The following DR1 variants were observed in gnomAD, a reference collection of about 807,000 sequenced individuals.
The protein encoded by DR1 is protein Dr1.
Under a neutral mutation model 19.9 loss-of-function variants are expected in DR1, and 7 were observed. The ratio of observed to expected loss-of-function variants is 0.35; its 90% CI spans 0.20 to 0.66. DR1 has a LOEUF of 0.66. DR1 is among the 30% of genes least tolerant of loss of function. The pLI is 0.66. For missense variants in DR1, 98 were observed against 203.7 expected (o/e 0.48, Z 3.16); for synonymous variants, 76 against 72.5 (o/e 1.05, Z -0.24).
Position 93,367,276 on chromosome 1 carries a change from C to CA in DR1, c.*6637_*6638insA, listed in dbSNP as rs1179053721. On this transcript the variant is annotated 3_prime_UTR_variant, in exon 3 of 3. Coordinates refer to ENST00000370272, the MANE Select transcript of DR1 (RefSeq NM_001938.3). ...GGGAAGTGAAAATTTTAAGGAGCAC[C>CA]TCCTACCACCATGCAGTTCAAAAAC... 4 of 152,066 alleles carry CA rather than the reference C, an allele frequency of 2.6e-5. No homozygotes were observed. The highest frequency in any genetic ancestry group is 5.9e-5 in the Non-Finnish European group (4 of 68,028). The allele number at this position is 152,066 out of a possible 1,614,324, so 9.4% of individuals were successfully genotyped here.
chr1:93,355,593 G>C (rs1666970852), intron 2 of DR1: 1 of 152,198 alleles, frequency 6.6e-6, no homozygotes, highest in African/African-American at 2.4e-5. Context: ...AATAGAATAT[G>C]TATTATCCTT....
rs1286050945 is a variant in DR1, at chr1:93,367,264, T to A, written c.*6625T>A. The A allele has an allele frequency of 6.6e-6, 1 of 152,006 alleles. No individual in the cohort carries two copies. The highest frequency in any genetic ancestry group is 1.5e-5 in the Non-Finnish European group (1 of 68,004). 9.4% of individuals were successfully genotyped at this position (152,006 alleles called of 1,614,324 possible). On this transcript the variant is annotated 3_prime_UTR_variant, in exon 3 of 3. Transcript: ENST00000370272. ...GGAATAACTGTTGGGAAGTGAAAAT[T>A]TTAAGGAGCACCTCCTACCACCATG...
rs994952628 is a variant in DR1, at chr1:93,365,727, G to GA, written c.*5091dup. On this transcript the variant is annotated 3_prime_UTR_variant, in exon 3 of 3. Coordinates refer to ENST00000370272, the MANE Select transcript of DR1 (RefSeq NM_001938.3). The stretch of plus-strand genomic sequence containing the variant: ...GCCCAGGATTAAAATATGTTTCCAA[G>GA]AAAGTCAAATCTTACAGGAGACTCT... 6.6e-6 allele frequency: 1 copy of GA among 152,158 alleles called. No homozygotes were observed. Among genetic ancestry groups the GA allele is most frequent in the African/African-American group, 2.4e-5 (1 of 41,436 alleles). The allele number at this position is 152,158 out of a possible 1,614,324, so 9.4% of individuals were successfully genotyped here.
intron 1 of DR1, 49 bp from the exon 2 acceptor site, chr1:93,353,859 A>G (rs746148247): frequency 2.0e-6 from 3 of 1,492,466 alleles, no homozygotes; most frequent in Non-Finnish European, 2.7e-6. Context: ...GGTTGGGGGA[A>G]AGCTGTGTTT....
Position 93,360,729 on chromosome 1 carries a change from T to G in DR1, c.*90T>G, listed in dbSNP as rs1214747778. ...AGAAATGCTTATCTGTAATTTTGTA[T>G]GCATCTTGGTGGACTTGTCATTGGT... On this transcript the variant is annotated 3_prime_UTR_variant, in exon 3 of 3. Coordinates refer to ENST00000370272, the MANE Select transcript of DR1 (RefSeq NM_001938.3). 1 of 1,407,928 alleles carries G rather than the reference T, an allele frequency of 7.1e-7. No individual in the cohort carries two copies. Among genetic ancestry groups the G allele is most frequent in the Non-Finnish European group, 9.6e-7 (1 of 1,041,844 alleles). The allele number at this position is 1,407,928 out of a possible 1,614,324, so 87.2% of individuals were successfully genotyped here. A position where few individuals can be genotyped will look rare whatever the true frequency, so the allele number is the denominator to read the frequency against.
rs748740055 is a variant in DR1, at chr1:93,354,059, A to G, written c.372A>G (p.Glu124=). ...PEEELLRQQQ[E]LFAKARQQQA... is the part of the protein sequence containing the mutation. The stretch of plus-strand genomic sequence containing the variant: ...AAGAGTTATTGAGACAGCAACAAGA[A>G]TTATTTGCAAAAGTAAGTAATTTAT... The change falls in exon 2 of 3, where the codon GAA becomes GAG. Residue 124 remains glutamate (E), a synonymous_variant. Coordinates refer to ENST00000370272, the MANE Select transcript of DR1 (RefSeq NM_001938.3). The G allele has an allele frequency of 1.2e-6, 2 of 1,609,424 alleles. No homozygotes were observed. The highest frequency in any genetic ancestry group is 2.2e-5 in the East Asian group (1 of 44,812).
At position 93,367,670 on chromosome 1, in the gene DR1, C is replaced by A. The variant is rs1422841946; in HGVS notation, c.*7031C>A. 1 of 152,242 alleles carries A rather than the reference C, an allele frequency of 6.6e-6. No individual in the cohort carries two copies. Among genetic ancestry groups the A allele is most frequent in the Non-Finnish European group, 1.5e-5 (1 of 68,052 alleles). 9.4% of individuals were successfully genotyped at this position (152,242 alleles called of 1,614,324 possible). A position where few individuals can be genotyped will look rare whatever the true frequency, so the allele number is the denominator to read the frequency against. On this transcript the variant is annotated 3_prime_UTR_variant, in exon 3 of 3. Coordinates refer to ENST00000370272, the MANE Select transcript of DR1 (RefSeq NM_001938.3). ...AGATATGTGGAGGACATGCAAAATT[C>A]ACACAGACAGTGGCCCTGGTTGTAA...
At chr1:93,347,416 G>C (rs1205736867) in intron 1 of DR1, among the ~76,000 whole-genome samples, 1 of 152,324 alleles carries the variant, frequency 6.6e-6, no homozygotes, top group African/African-American at 2.4e-5. Context: ...CTCTAAAAAT[G>C]GTTTGATGGT....
chr1:93,351,685 C>T (rs1490541080), intron 1 of DR1, among the ~76,000 whole-genome samples: 2 of 152,192 alleles, frequency 1.3e-5, no homozygotes, highest in South Asian at 2.1e-4. Context: ...ATCCCCGTGC[C>T]TTGGCCTCCC....
At chr1:93,355,709 C>T (rs539544342) in intron 2 of DR1, 1 of 152,244 alleles carries the variant, frequency 6.6e-6, no homozygotes, top group Admixed American at 6.5e-5. Context: ...TCCCTTGTTT[C>T]TTACCCTGAC....
intron 2 of DR1, 127 bp downstream of exon 2, chr1:93,354,198 G>C: frequency 1.1e-6 from 1 of 891,268 alleles, no homozygotes; most frequent in Non-Finnish European, 1.6e-6. Context: ...AGATTCTGGT[G>C]TTCAGAGCTG....
At chr1:93,357,518 AAAAT>A (rs3067471) in intron 2 of DR1, among the ~76,000 whole-genome samples, 9 of 149,224 alleles carry the variant, frequency 6.0e-5, no homozygotes, top group South Asian at 4.3e-4. Flanking sequence ...CCCCATCTCT[AAAAT>A]AAATAAATAA....
intron 2 of DR1, 134 bp from the exon 3 acceptor site, chr1:93,360,359 A>G (rs908542912): frequency 1.3e-4 from 96 of 761,720 alleles, no homozygotes; most frequent in Non-Finnish European, 1.8e-4. Flanking sequence ...ATGTGTGACA[A>G]TTACATAGTA....
chr1:93,356,327 G>C (rs1666983099), intron 2 of DR1, among the ~76,000 whole-genome samples: 1 of 151,594 alleles, frequency 6.6e-6, no homozygotes, highest in Admixed American at 6.6e-5. Context: ...CTTCAGCCTA[G>C]AACTCCTGGG....
At chr1:93,348,091 C>G (rs1253951079) in intron 1 of DR1, among the ~76,000 whole-genome samples, 3 of 152,024 alleles carry the variant, frequency 2.0e-5, no homozygotes, top group African/African-American at 4.8e-5. Context: ...TTAAATGATT[C>G]ATTTTTAATC....
Position 93,369,043 on chromosome 1 carries a change from G to A in DR1, c.*8404G>A, listed in dbSNP as rs2101644550. ...AATATTTATATATCATTTACATTAT[G>A]TTAGATATTATAATCTAGAGATGAT... On this transcript the variant is annotated 3_prime_UTR_variant, in exon 3 of 3. Transcript: ENST00000370272. 6.6e-6 allele frequency: 1 copy of A among 152,080 alleles called. No homozygotes were observed. The highest frequency in any genetic ancestry group is 2.1e-4 in the South Asian group (1 of 4,820). 9.4% of individuals were successfully genotyped at this position (152,080 alleles called of 1,614,324 possible). A position where few individuals can be genotyped will look rare whatever the true frequency, so the allele number is the denominator to read the frequency against.
intron 2 of DR1, among the ~76,000 whole-genome samples, chr1:93,356,791 G>A (rs191822568): frequency 6.7e-6 from 1 of 150,272 alleles, no homozygotes; most frequent in East Asian, 2.0e-4. Context: ...GTGCTATCTC[G>A]GCTCATTGCA....
rs1007117083 is a variant in DR1 at position 93,362,306 on chromosome 1, T to C, written c.*1667T>C. On this transcript the variant is annotated 3_prime_UTR_variant, in exon 3 of 3. Coordinates refer to ENST00000370272, the MANE Select transcript of DR1 (RefSeq NM_001938.3). ...GAAATTGTTTTTTAAAAAGTTTAAG[T>C]ACCAAAGGTAGTCTAGTCTAGAACG... The C allele has an allele frequency of 3.3e-5, 5 of 152,510 alleles. No individual in the cohort carries two copies. The highest frequency in any genetic ancestry group is 1.3e-4 in the Admixed American group (2 of 15,268). 9.4% of individuals were successfully genotyped at this position (152,510 alleles called of 1,614,324 possible).
chr1:93,366,138 A>G lies in DR1; in HGVS notation c.*5499A>G, dbSNP rs551091910. 58 of 152,164 alleles carry G rather than the reference A, an allele frequency of 3.8e-4. No individual in the cohort carries two copies. Among genetic ancestry groups the G allele is most frequent in the Non-Finnish European group, 2.8e-4 (19 of 68,030 alleles). 9.4% of individuals were successfully genotyped at this position (152,164 alleles called of 1,614,324 possible). On this transcript the variant is annotated 3_prime_UTR_variant, in exon 3 of 3. Transcript: ENST00000370272. ...GGTAACCAGCATTCAGTCTCTATGA[A>G]TTGACTACTCTGGATATCTAAATGG...
Sources: gnomAD v4.1 joint callset for allele counts (sites outside exome capture counted in the v4.1 genomes callset) on GRCh38, gnomAD v4.1.1 for gene constraint, MANE v1.5 for transcripts, NCBI Gene and HGNC (gene_info 2026-07-23, HGNC 2026-07-21) for gene names.